The following TTC7A variants were observed in gnomAD, a reference collection of about 807,000 sequenced individuals.
TTC7A encodes the protein tetratricopeptide repeat protein 7A.
A neutral mutation model predicts 103.7 loss-of-function variants in TTC7A; 110 were observed. The ratio of observed to expected loss-of-function variants is 1.06; its 90% CI spans 0.91 to 1.24. The LOEUF (loss-of-function observed/expected upper bound fraction) is 1.24. TTC7A is among the 50% of genes most tolerant of loss of function. The pLI is 0.00. For missense variants in TTC7A, 1,340 were observed against 1,116.3 expected (o/e 1.20, Z -2.86); for synonymous variants, 521 against 467.9 (o/e 1.11, Z -1.47).
In TTC7A at chr2:46,993,623, G is replaced by T. The variant is rs908805927; in HGVS notation, c.843+95G>T. 2.6e-6 allele frequency: 3 copies of T among 1,164,102 alleles called. No homozygotes were observed. The African/African-American group carries it at 4.5e-5, about 18-fold the overall frequency. The allele number at this position is 1,164,102 out of a possible 1,614,324, so 72.1% of individuals were successfully genotyped here. On this transcript the variant is annotated intron_variant, in intron 6 of 19. Coordinates refer to ENST00000319190, the MANE Select transcript of TTC7A (RefSeq NM_020458.4). The stretch of plus-strand genomic sequence containing the variant: ...GCAGGGAGCCTGTGAAGCAGGGGTG[G>T]CAGTAGGTCTCCTGCCTGCTTGTGG...
intron 13 of TTC7A, 21 bp from the exon 14 acceptor site, chr2:47,024,266 T>C (rs774473481): frequency 1.3e-6 from 2 of 1,577,724 alleles, no homozygotes; most frequent in South Asian, 2.3e-5. Flanking sequence ...GCCTGACTTG[T>C]CACTCCCTCT....
At chr2:46,928,162 G>A (rs1669497464) in intron 2 of TTC7A, among the ~76,000 whole-genome samples, 1 of 151,872 alleles carries the variant, frequency 6.6e-6, no homozygotes, top group Admixed American at 6.6e-5. Context: ...AAAGTGCCGG[G>A]ATTACAGGCG....
rs1573053669 is a variant in TTC7A at position 47,056,976 on chromosome 2, G to A, written c.2153-3793G>A. Among the ~76,000 whole-genome samples the A allele has an allele frequency of 2.0e-5, 3 of 152,302 alleles. No individual in the cohort carries two copies. The East Asian group carries it at 5.8e-4, about 29-fold the overall frequency. ...AATGAAAATTCAAGGAAAATGTGGT[G>A]CCCTGGCCAGGGGATGCTGGGATGG... On this transcript the variant is annotated intron_variant, in intron 18 of 19. Coordinates refer to ENST00000319190, the MANE Select transcript of TTC7A (RefSeq NM_020458.4).
chr2:46,940,437 G>C (rs960504431), upstream of TTC7A, among the ~76,000 whole-genome samples: 1 of 152,158 alleles, frequency 6.6e-6, no homozygotes, highest in Non-Finnish European at 1.5e-5. This position sits in a 1 kb window ranked among gnomAD's most constrained non-coding sequence, Gnocchi z 4.7. Flanking sequence ...CCCAAGGGTG[G>C]ACCTCGGCTG....
Position 47,051,757 on chromosome 2 carries a change from G to T in TTC7A, c.2029G>T (p.Ala677Ser), listed in dbSNP as rs1038944270. 6.2e-7 allele frequency: 1 copy of T among 1,610,166 alleles called. No individual in the cohort carries two copies. The highest frequency in any genetic ancestry group is 1.1e-5 in the South Asian group (1 of 90,898). ...CTCTTGCTCTGCAGGCTCCCGGCGG[G>T]CTTCGTCCATCGCCGCCTCCCGGCT... Reference protein sequence around the residue: ...AHDADSGSRRASSIAASRLEE... With the variant: ...AHDADSGSRRSSSIAASRLEE... The change falls in exon 18 of 20, where the codon GCT becomes TCT. Residue 677 changes from alanine to serine, a missense_variant. Transcript: ENST00000319190.
At chr2:47,029,439 G>A in intron 15 of TTC7A, 55 bp downstream of exon 15, 2 of 1,598,056 alleles carry the variant, frequency 1.3e-6, no homozygotes, top group Non-Finnish European at 1.7e-6. Context: ...CTCTGCAGCA[G>A]GCGCCCATGC....
intron 2 of TTC7A, among the ~76,000 whole-genome samples, chr2:46,927,884 G>GTTTTTT (rs566447236): frequency 1.1e-4 from 8 of 73,304 alleles, no homozygotes; most frequent in East Asian, 3.8e-4. Context: ...TTTTTTTGGT[G>GTTTTTT]TTTTTTTTTT....
intron 5 of TTC7A, among the ~76,000 whole-genome samples, chr2:46,992,280 G>A (rs1224130965): frequency 6.6e-6 from 1 of 152,224 alleles, no homozygotes; most frequent in Non-Finnish European, 1.5e-5. Flanking sequence ...CCCTCAGGTG[G>A]CCACAGTGTG....
intron 3 of TTC7A, among the ~76,000 whole-genome samples, chr2:46,966,720 G>A (rs1426706322): frequency 6.8e-6 from 1 of 148,018 alleles, no homozygotes; most frequent in Non-Finnish European, 1.5e-5. Flanking sequence ...CTGAACTCCT[G>A]GGCTCAAGCA....
Position 47,014,864 on chromosome 2 carries a change from C to T in TTC7A, c.1392+3429C>T, listed in dbSNP as rs748215309. Among the ~76,000 whole-genome samples, 7 of 152,384 alleles carry T rather than the reference C, an allele frequency of 4.6e-5. No individual in the cohort carries two copies. In the East Asian group the frequency reaches 5.8e-4, roughly 13 times the overall value. ...GACTGGGTGGCCATGTGCCCAGAGG[C>T]GGAGCACCTGCTCTTCCCACATCCT... is the stretch of plus-strand genomic sequence containing the variant. On this transcript the variant is annotated intron_variant, in intron 11 of 19. Coordinates refer to ENST00000319190, the MANE Select transcript of TTC7A (RefSeq NM_020458.4).
intron 1 of TTC7A, among the ~76,000 whole-genome samples, chr2:46,947,563 A>T (rs1553366073): frequency 6.6e-6 from 1 of 152,144 alleles, no homozygotes; most frequent in Non-Finnish European, 1.5e-5. Flanking sequence ...CAAAAATACA[A>T]AAAATTAGCT....
At chr2:46,948,246 C>T (rs141915070) in intron 1 of TTC7A, among the ~76,000 whole-genome samples, 6 of 152,322 alleles carry the variant, frequency 3.9e-5, no homozygotes, top group Non-Finnish European at 8.8e-5. Context: ...TCAAACCCCA[C>T]CCCTGGCTTT....
intron 15 of TTC7A, among the ~76,000 whole-genome samples, chr2:47,042,094 T>A (rs1056027562): frequency 6.6e-6 from 1 of 151,870 alleles, no homozygotes; most frequent in Admixed American, 6.6e-5. Context: ...AGAGAGGAGA[T>A]GATGAATAAA....
intron 19 of TTC7A, 120 bp downstream of exon 19, chr2:47,061,091 C>T: frequency 9.1e-7 from 1 of 1,093,198 alleles, no homozygotes; most frequent in Non-Finnish European, 1.3e-6. Flanking sequence ...ACTGCTGTTC[C>T]CTGGTGTCTA....
chr2:47,038,173 C>T (rs186698842), intron 15 of TTC7A, among the ~76,000 whole-genome samples: 6 of 151,320 alleles, frequency 4.0e-5, no homozygotes, highest in African/African-American at 9.8e-5. Context: ...GCAGGAGAAT[C>T]GCTTGAACCC....
intron 19 of TTC7A, chr2:47,065,967 T>G (rs565866728): frequency 6.6e-6 from 1 of 152,114 alleles, no homozygotes; most frequent in East Asian, 1.9e-4. Flanking sequence ...CTCCTCATGC[T>G]TTCTTCTTGG....
At chr2:46,932,616 G>A (rs922890821) in intron 2 of TTC7A, among the ~76,000 whole-genome samples, 11 of 152,020 alleles carry the variant, frequency 7.2e-5, no homozygotes, top group South Asian at 2.1e-4. Flanking sequence ...AGAAGCAGGT[G>A]GAGGCCAGGT....
intron 19 of TTC7A, among the ~76,000 whole-genome samples, chr2:47,063,296 G>C (rs767990218): frequency 6.6e-6 from 1 of 152,222 alleles, no homozygotes; most frequent in African/African-American, 2.4e-5. Context: ...TGATGCATGT[G>C]AAAGTGTAAA....
intron 4 of TTC7A, 180 bp from the exon 5 acceptor site, chr2:46,978,612 G>T (rs955531253): frequency 1.0e-5 from 5 of 481,094 alleles, no homozygotes; most frequent in African/African-American, 5.9e-5. Flanking sequence ...GTTGGATGGG[G>T]AGAGAATGCT....
Sources: gnomAD v4.1 joint callset for allele counts (sites outside exome capture counted in the v4.1 genomes callset) on GRCh38, gnomAD v4.1.1 for gene constraint, Gnocchi (gnomAD v3.1) non-coding constraint, MANE v1.5 for transcripts, NCBI Gene and HGNC (gene_info 2026-07-23, HGNC 2026-07-21) for gene names.